The following ARSF variants were observed in gnomAD, a reference collection of about 807,000 sequenced individuals.
ARSF encodes arylsulfatase F.
In ARSF, 33 loss-of-function variants were observed where a neutral mutation model predicts 35.4. That is an observed-to-expected ratio of 0.93 (90% CI 0.71 to 1.25). ARSF has a LOEUF of 1.25. Ranked by LOEUF, ARSF falls within the 50% of genes most tolerant of loss-of-function variation. The pLI is 0.00. For synonymous variants in ARSF, 222 were observed against 193.1 expected (o/e 1.15, Z -1.24); for missense variants, 501 against 480.2 (o/e 1.04, Z -0.40).
chrX:3,102,890 A>AGGG (rs2090388082), intron 8 of ARSF, among the ~76,000 whole-genome samples: 6 of 109,669 alleles, frequency 5.5e-5, no homozygotes, highest in Non-Finnish European at 1.1e-4. Context: ...CCAGCCTGGC[A>AGGG]ACAGAGCGAG....
At position 3,112,273 on chromosome X, in the gene ARSF, A is replaced by G. The variant is rs1283341626; in HGVS notation, c.1490A>G (p.Gln497Arg). 3.3e-6 allele frequency: 4 copies of G among 1,210,957 alleles called. No homozygotes were observed. In the South Asian group the frequency reaches 7.0e-5, roughly 21 times the overall value. ...VTSLCRCFGE[Q>R]VTYHNPPLLF... is the part of the protein sequence containing the mutation. The stretch of plus-strand genomic sequence containing the variant: ...TCATTATGCAGATGTTTCGGAGAAC[A>G]GGTTACCTACCACAACCCCCCTCTG... The change falls in exon 11 of 11, where the codon CAG becomes CGG. Residue 497 changes from glutamine to arginine, a missense_variant. By Grantham distance (43) the Gln-to-Arg change is conservative. Transcript: ENST00000381127.
At chrX:3,080,252 G>A (rs956029756) in intron 4 of ARSF, among the ~76,000 whole-genome samples, 1 of 52,695 alleles carries the variant, frequency 1.9e-5, no homozygotes, top group African/African-American at 6.8e-5. Context: ...AAGGCGGGCA[G>A]ATCATGAGGT....
Position 3,095,587 on chromosome X carries a change from G to C in ARSF, c.968-5500G>C, listed in dbSNP as rs1399668524. ...AAACTTTCTGGGGTTTCCAACATAG[G>C]TATGTTCACTACATTTAATGTTAAG... On this transcript the variant is annotated intron_variant, in intron 7 of 10. Coordinates refer to ENST00000381127, the MANE Select transcript of ARSF (RefSeq NM_001201539.2). Among the ~76,000 whole-genome samples the C allele has an allele frequency of 4.6e-5, 5 of 109,182 alleles. No homozygotes were observed. The East Asian group carries it at 1.4e-3, about 31-fold the overall frequency. The allele number at this position is 109,182 out of a possible 115,157, so 94.8% of individuals were successfully genotyped here. A position where few individuals can be genotyped will look rare whatever the true frequency, so the allele number is the denominator to read the frequency against.
chrX:3,066,232 A>T (rs567562694), intron 1 of ARSF, among the ~76,000 whole-genome samples: 76 of 112,290 alleles, frequency 6.8e-4, no homozygotes, highest in African/African-American at 2.3e-3. Context: ...ATCTTTATTT[A>T]AAATGCTGGG....
chrX:3,059,728 T>TG (rs977025604), intron 1 of ARSF, among the ~76,000 whole-genome samples: 4 of 112,285 alleles, frequency 3.6e-5, no homozygotes, highest in African/African-American at 9.7e-5. Context: ...GCAGCCTGGC[T>TG]GGGGGGGTGG....
At chrX:3,099,984 A>G (rs1487672474) in intron 7 of ARSF, among the ~76,000 whole-genome samples, 1 of 112,244 alleles carries the variant, frequency 8.9e-6, no homozygotes, top group East Asian at 2.8e-4. Context: ...AACACATAGA[A>G]TTAGACACGT....
At chrX:3,070,057 GC>G (rs2090092295) in intron 2 of ARSF, among the ~76,000 whole-genome samples, 1 of 110,983 alleles carries the variant, frequency 9.0e-6, no homozygotes, top group South Asian at 3.8e-4. Flanking sequence ...CCCTCCACTG[GC>G]CCCCCAGCTC....
intron 4 of ARSF, among the ~76,000 whole-genome samples, chrX:3,079,749 C>T (rs1406015284): frequency 2.8e-5 from 3 of 107,739 alleles, no homozygotes; most frequent in Non-Finnish European, 5.8e-5. Flanking sequence ...CAGTTGAGGC[C>T]AGGAATTCAA....
chrX:3,090,277 C>G (rs1297432989), intron 7 of ARSF, among the ~76,000 whole-genome samples: 1 of 111,859 alleles, frequency 8.9e-6, no homozygotes, highest in Non-Finnish European at 1.9e-5. Flanking sequence ...CATTAAGTAA[C>G]ATAATATAGT....
At chrX:3,042,009 TC>T (rs2147469267) in intron 1 of ARSF, among the ~76,000 whole-genome samples, 1 of 112,337 alleles carries the variant, frequency 8.9e-6, no homozygotes, top group South Asian at 3.6e-4. Flanking sequence ...CATATTTACC[TC>T]TGACAGATAT....
intron 1 of ARSF, among the ~76,000 whole-genome samples, chrX:3,045,932 G>A (rs1274626298): frequency 9.1e-6 from 1 of 110,234 alleles, no homozygotes; most frequent in South Asian, 3.9e-4. Flanking sequence ...GCCCAGGCTG[G>A]GGTGCAGTGG....
At chrX:3,105,800 T>C (rs1294677506) in intron 9 of ARSF, among the ~76,000 whole-genome samples, 1 of 112,304 alleles carries the variant, frequency 8.9e-6, no homozygotes, top group Non-Finnish European at 1.9e-5. Context: ...TGTGAAGTTA[T>C]TGCAAAAAGA....
chrX:3,099,920 G>A (rs1207836685), intron 7 of ARSF, among the ~76,000 whole-genome samples: 1 of 111,316 alleles, frequency 9.0e-6, no homozygotes, highest in African/African-American at 3.3e-5. Context: ...AAATTTCTAA[G>A]GTATAGTACT....
intron 7 of ARSF, among the ~76,000 whole-genome samples, chrX:3,096,014 G>A: frequency 9.3e-6 from 1 of 107,381 alleles, no homozygotes; most frequent in Middle Eastern, 6.4e-3. Context: ...TACATGTTAT[G>A]TAGTATATGT....
rs968732431 is a variant in ARSF at position 3,092,943 on chromosome X, C to T, written c.967+3311C>T. On this transcript the variant is annotated intron_variant, in intron 7 of 10. Transcript: ENST00000381127. ...ATCCCAGCACTTTGGGAGGCCAAGGCGGGTGGATAACGAGTTCAGGCAATC... is the reference window on the plus strand; with the variant it reads ...ATCCCAGCACTTTGGGAGGCCAAGGTGGGTGGATAACGAGTTCAGGCAATC... Among the ~76,000 whole-genome samples, 56 of 111,916 alleles carry T rather than the reference C, an allele frequency of 5.0e-4. 1 individual carries two copies. The highest frequency in any genetic ancestry group is 1.7e-3 in the African/African-American group (52 of 30,757).
At chrX:3,093,047 T>A (rs917463594) in intron 7 of ARSF, among the ~76,000 whole-genome samples, 23 of 109,430 alleles carry the variant, frequency 2.1e-4, no homozygotes, top group Non-Finnish European at 2.8e-4. Context: ...GCGTCTGTAG[T>A]CCCAGCTACT....
chrX:3,058,630 A>T, intron 1 of ARSF: 1 of 326,791 alleles, frequency 3.1e-6, no homozygotes, highest in Non-Finnish European at 6.0e-6. Context: ...AGGCAGGAGG[A>T]TTCTTTGAGG....
chrX:3,073,714 T>TATAA (rs1478051283), intron 3 of ARSF, among the ~76,000 whole-genome samples: 1 of 97,938 alleles, frequency 1.0e-5, no homozygotes, highest in Non-Finnish European at 2.1e-5. Context: ...ATTTATAATA[T>TATAA]ATAAATATAT....
intron 6 of ARSF, among the ~76,000 whole-genome samples, chrX:3,084,879 C>A (rs1055235931): frequency 1.8e-5 from 2 of 111,339 alleles, no homozygotes; most frequent in African/African-American, 6.5e-5. Context: ...AAAAATAAAT[C>A]ATTTGTAATA....
Sources: gnomAD v4.1 joint callset for allele counts (sites outside exome capture counted in the v4.1 genomes callset) on GRCh38, gnomAD v4.1.1 for gene constraint, MANE v1.5 for transcripts, NCBI Gene and HGNC (gene_info 2026-07-23, HGNC 2026-07-21) for gene names.